Variants in CDK19 observed in about 807,000 individuals in gnomAD.
CDK19 encodes cyclin-dependent kinase 19.
In CDK19, 20 loss-of-function variants were observed where a neutral mutation model predicts 68.3. The observed-to-expected ratio is 0.29, with a 90% confidence interval of 0.21 to 0.43. The LOEUF (loss-of-function observed/expected upper bound fraction) is 0.43. Among genes scored for constraint, CDK19 ranks in the 20% least tolerant of loss-of-function variants. The pLI, the probability that CDK19 is intolerant of heterozygous loss-of-function variation, is 1.00. For synonymous variants in CDK19, 221 were observed against 222.8 expected (o/e 0.99, Z 0.07); for missense variants, 339 against 623.5 (o/e 0.54, Z 4.86).
intron 4 of CDK19, among the ~76,000 whole-genome samples, chr6:110,664,004 T>C (rs1188195708): frequency 3.3e-5 from 5 of 151,896 alleles, no homozygotes; most frequent in Admixed American, 1.3e-4. Flanking sequence ...TGGTGGCTTT[T>C]CTAGTGGGGG....
chr6:110,734,520 G>GCGCTCTCTCT (rs1554214772), intron 2 of CDK19, among the ~76,000 whole-genome samples: 2 of 85,780 alleles, frequency 2.3e-5, no homozygotes, highest in African/African-American at 4.2e-5. Context: ...GGTGAGCACT[G>GCGCTCTCTCT]CTCTCTCTCT....
At chr6:110,729,883 T>A (rs111436086) in intron 2 of CDK19, among the ~76,000 whole-genome samples, 12 of 152,268 alleles carry the variant, frequency 7.9e-5, no homozygotes, top group African/African-American at 2.9e-4. Context: ...TAGCCAGGAC[T>A]ACAGGAGCAC....
rs544250626 is a variant in CDK19 at position 110,611,323 on chromosome 6, T to C, written c.*3212A>G. The C allele has an allele frequency of 3.3e-5, 5 of 152,364 alleles. No individual in the cohort carries two copies. The South Asian group carries it at 8.3e-4, about 25-fold the overall frequency. The allele number at this position is 152,364 out of a possible 1,614,324, so 9.4% of individuals were successfully genotyped here. On this transcript the variant is annotated 3_prime_UTR_variant, in exon 13 of 13. Coordinates refer to ENST00000368911, the MANE Select transcript of CDK19 (RefSeq NM_015076.5). ...ACCCCTCCTAGTTTGGGTGTTCCCA[T>C]AGGCTGAGGGATGCCCCTCCTGTAC...
At chr6:110,649,715 C>T (rs1780848081) in intron 4 of CDK19, among the ~76,000 whole-genome samples, 2 of 152,074 alleles carry the variant, frequency 1.3e-5, no homozygotes. Context: ...AAAGTACAGA[C>T]AGGTTTAACC....
chr6:110,806,254 C>T (rs554916869), intron 1 of CDK19, among the ~76,000 whole-genome samples: 12 of 149,350 alleles, frequency 8.0e-5, no homozygotes, highest in African/African-American at 2.7e-4. Context: ...GCAGGAGAAT[C>T]GCTTAAACCC....
chr6:110,675,006 G>A (rs1771370536), intron 2 of CDK19, among the ~76,000 whole-genome samples: 1 of 152,068 alleles, frequency 6.6e-6, no homozygotes, highest in Admixed American at 6.6e-5. Context: ...AAAGGCTGAA[G>A]CTAACAGAGG....
At chr6:110,767,232 T>C (rs1779659321) in intron 1 of CDK19, among the ~76,000 whole-genome samples, 1 of 150,134 alleles carries the variant, frequency 6.7e-6, no homozygotes, top group Admixed American at 6.6e-5. Flanking sequence ...GGCCAGGGGA[T>C]GGGGAGAAAA....
chr6:110,656,019 T>G (rs903258047), intron 4 of CDK19, among the ~76,000 whole-genome samples: 1 of 152,182 alleles, frequency 6.6e-6, no homozygotes, highest in African/African-American at 2.4e-5. Flanking sequence ...CTGCCTGGAA[T>G]GCTCTCCCCA....
chr6:110,799,604 A>ATT (rs146560749), intron 1 of CDK19, among the ~76,000 whole-genome samples: 53 of 148,898 alleles, frequency 3.6e-4, no homozygotes, highest in African/African-American at 1.3e-3. Context: ...GTTTTTTCTA[A>ATT]TTTTTTTTTT....
At chr6:110,809,762 A>T (rs1782941460) in intron 1 of CDK19, among the ~76,000 whole-genome samples, 1 of 152,220 alleles carries the variant, frequency 6.6e-6, no homozygotes, top group African/African-American at 2.4e-5. Flanking sequence ...GGCATTTTTA[A>T]TTGAATATAA....
chr6:110,741,300 T>A (rs995640233), intron 2 of CDK19, among the ~76,000 whole-genome samples: 24 of 144,082 alleles, frequency 1.7e-4, no homozygotes, highest in African/African-American at 5.8e-4. Flanking sequence ...TACAAAAAAT[T>A]AAAAAAAAAA....
chr6:110,804,355 A>C (rs1445370586), intron 1 of CDK19, among the ~76,000 whole-genome samples: 2 of 151,394 alleles, frequency 1.3e-5, no homozygotes, highest in Admixed American at 6.6e-5. Context: ...TTTCTTTTTT[A>C]TTTTTGAGAT....
chr6:110,811,899 A>C (rs930436381), intron 1 of CDK19, among the ~76,000 whole-genome samples: 1 of 150,612 alleles, frequency 6.6e-6, no homozygotes, highest in African/African-American at 2.4e-5. Flanking sequence ...TTTTTTTTAA[A>C]GTAAAAGAGA....
chr6:110,704,851 C>T (rs537089299), intron 2 of CDK19, among the ~76,000 whole-genome samples: 2 of 151,818 alleles, frequency 1.3e-5, no homozygotes, highest in South Asian at 4.2e-4. Flanking sequence ...GAGAATAGGA[C>T]CTGGCATGGG....
chr6:110,791,048 G>A (rs1230107865), intron 1 of CDK19, among the ~76,000 whole-genome samples: 2 of 152,066 alleles, frequency 1.3e-5, no homozygotes, highest in Non-Finnish European at 2.9e-5. Context: ...GCAGGCACCT[G>A]TAGTCCCAGC....
chr6:110,737,301 CAA>C (rs1357218370), intron 2 of CDK19, among the ~76,000 whole-genome samples: 1 of 152,136 alleles, frequency 6.6e-6, no homozygotes, highest in Non-Finnish European at 1.5e-5. Context: ...TTCCTTCTCA[CAA>C]AAGTGAGTAA....
At chr6:110,627,318 G>A (rs1779151779) in intron 6 of CDK19, among the ~76,000 whole-genome samples, 173 bp from the exon 7 acceptor site, 2 of 152,010 alleles carry the variant, frequency 1.3e-5, no homozygotes, top group South Asian at 2.1e-4. Flanking sequence ...GGGTATGTGT[G>A]TATATATAGG....
intron 2 of CDK19, among the ~76,000 whole-genome samples, chr6:110,733,662 G>A (rs1030903707): frequency 5.3e-5 from 8 of 151,642 alleles, no homozygotes; most frequent in Admixed American, 6.6e-5. Context: ...TTAAAATCTA[G>A]TTCAGTTTAA....
intron 2 of CDK19, among the ~76,000 whole-genome samples, chr6:110,732,038 C>T (rs1304375917): frequency 9.9e-5 from 15 of 152,084 alleles, no homozygotes; most frequent in Non-Finnish European, 1.9e-4. Flanking sequence ...CTGTGAAATT[C>T]AGGTCACCAT....
Sources: allele counts gnomAD v4.1 joint callset (sites outside exome capture counted in the v4.1 genomes callset), GRCh38; gene constraint gnomAD v4.1.1; transcripts MANE v1.5; gene names NCBI Gene and HGNC (gene_info 2026-07-23, HGNC 2026-07-21).